Variants in B3GALT1 observed in about 807,000 individuals in gnomAD.
The protein encoded by B3GALT1 is beta-1,3-galactosyltransferase 1.
In B3GALT1, 10 loss-of-function variants were observed where a neutral mutation model predicts 23.2. The ratio of observed to expected loss-of-function variants is 0.43; its 90% CI spans 0.27 to 0.73. The LOEUF (loss-of-function observed/expected upper bound fraction) is 0.73. Among genes scored for constraint, B3GALT1 ranks in the 30% least tolerant of loss-of-function variants. B3GALT1 has a pLI of 0.21. For missense variants in B3GALT1, 299 were observed against 405.4 expected (o/e 0.74, Z 2.25); for synonymous variants, 156 against 141.5 (o/e 1.10, Z -0.73).
At chr2:167,841,642 C>T (rs532476808) in intron 4 of B3GALT1, among the ~76,000 whole-genome samples, 42 of 152,334 alleles carry the variant, frequency 2.8e-4, no homozygotes, top group African/African-American at 9.9e-4. Context: ...CCAGCCTCCC[C>T]CTTCTCCTAA....
intron 3 of B3GALT1, among the ~76,000 whole-genome samples, chr2:167,676,011 C>T (rs1027431280): frequency 6.6e-6 from 1 of 151,884 alleles, no homozygotes; most frequent in Non-Finnish European, 1.5e-5. Flanking sequence ...AGAGCCACAC[C>T]TGGTTCTCCA....
chr2:167,597,516 A>G (rs1267315576), intron 2 of B3GALT1, among the ~76,000 whole-genome samples: 3 of 152,190 alleles, frequency 2.0e-5, no homozygotes, highest in African/African-American at 7.2e-5. Flanking sequence ...TCAGAATGAA[A>G]TAGTGCTGCC....
At chr2:167,439,396 A>G (rs1698841750) in intron 1 of B3GALT1, among the ~76,000 whole-genome samples, 1 of 151,766 alleles carries the variant, frequency 6.6e-6, no homozygotes, top group Non-Finnish European at 1.5e-5. Flanking sequence ...GTCATTTTGT[A>G]TTTACTTATT....
intron 2 of B3GALT1, among the ~76,000 whole-genome samples, chr2:167,568,935 G>T (rs1401423926): frequency 6.6e-6 from 1 of 151,822 alleles, no homozygotes; most frequent in Non-Finnish European, 1.5e-5. Context: ...TCATTGTTTT[G>T]CACGTGGATG....
At chr2:167,568,390 C>T (rs1370901237) in intron 2 of B3GALT1, among the ~76,000 whole-genome samples, 5 of 152,088 alleles carry the variant, frequency 3.3e-5, no homozygotes, top group Non-Finnish European at 7.4e-5. Context: ...TCCATATCCT[C>T]ATCAGCATTT....
intron 2 of B3GALT1, among the ~76,000 whole-genome samples, chr2:167,565,037 C>T (rs1014256470): frequency 6.6e-6 from 1 of 152,152 alleles, no homozygotes; most frequent in Non-Finnish European, 1.5e-5. Flanking sequence ...AAAAAAGAGC[C>T]CGCATTGCCA....
chr2:167,462,850 A>G (rs1041812885), intron 1 of B3GALT1, among the ~76,000 whole-genome samples: 5 of 152,140 alleles, frequency 3.3e-5, no homozygotes, highest in African/African-American at 1.2e-4. Flanking sequence ...TCTGCATTTT[A>G]TTTCTGTTTC....
Position 167,390,067 on chromosome 2 carries a change from G to A in B3GALT1, c.-511+96733G>A, listed in dbSNP as rs1574060128. On this transcript the variant is annotated intron_variant, in intron 1 of 4. Coordinates refer to ENST00000392690, the MANE Select transcript of B3GALT1 (RefSeq NM_020981.4). Reference sequence around the variant, plus strand: ...CTTATATACACTGGGCCATCATGGAGGAAAGAGGAGAAAATCTCAGCTACA... The same window carrying A: ...CTTATATACACTGGGCCATCATGGAAGAAAGAGGAGAAAATCTCAGCTACA... Among the ~76,000 whole-genome samples the A allele has an allele frequency of 3.3e-5, 5 of 152,256 alleles. 1 individual carries two copies. The South Asian group carries it at 1.0e-3, about 32-fold the overall frequency.
At chr2:167,789,276 T>G (rs752033160) in intron 3 of B3GALT1, among the ~76,000 whole-genome samples, 5 of 152,170 alleles carry the variant, frequency 3.3e-5, no homozygotes, top group Non-Finnish European at 7.4e-5. Flanking sequence ...CCTGAGCTCA[T>G]TATTTATACA....
At chr2:167,827,421 G>A (rs1266138164) in intron 4 of B3GALT1, among the ~76,000 whole-genome samples, 1 of 152,176 alleles carries the variant, frequency 6.6e-6, no homozygotes, top group Non-Finnish European at 1.5e-5. Context: ...CTGTGTTACT[G>A]CCCTTGGGCC....
At chr2:167,342,348 G>T (rs1697161269) in intron 1 of B3GALT1, among the ~76,000 whole-genome samples, 1 of 152,154 alleles carries the variant, frequency 6.6e-6, no homozygotes, top group Non-Finnish European at 1.5e-5. Context: ...AGCACTTTGG[G>T]ATGCAGAGGT....
At chr2:167,717,113 C>T (rs1342610961) in intron 3 of B3GALT1, among the ~76,000 whole-genome samples, 1 of 152,180 alleles carries the variant, frequency 6.6e-6, no homozygotes, top group Non-Finnish European at 1.5e-5. Context: ...AGAAAGAAAT[C>T]TGACACAACC....
At position 167,558,250 on chromosome 2, in the gene B3GALT1, G is replaced by C. The variant is rs562718274; in HGVS notation, c.-410+67973G>C. 2.0e-5 allele frequency: 3 copies of C among 152,276 alleles called. No individual in the cohort carries two copies. In the East Asian group the frequency reaches 5.8e-4, roughly 29 times the overall value. 9.4% of individuals were successfully genotyped at this position (152,276 alleles called of 1,614,324 possible). ...CATTTAGATAAAATAACATGGAGAA[G>C]ATGAAAAGAAAAATCAAGTTTACAA... On this transcript the variant is annotated intron_variant, in intron 2 of 4. Transcript: ENST00000392690.
intron 2 of B3GALT1, among the ~76,000 whole-genome samples, chr2:167,546,306 C>G (rs927714692): frequency 1.3e-5 from 2 of 152,178 alleles, no homozygotes; most frequent in Non-Finnish European, 2.9e-5. Flanking sequence ...TCACCTTAGT[C>G]TTGGTGTTCA....
chr2:167,492,899 G>T (rs1451997232), intron 2 of B3GALT1, among the ~76,000 whole-genome samples: 1 of 151,904 alleles, frequency 6.6e-6, no homozygotes, highest in African/African-American at 2.4e-5. Flanking sequence ...GTGTGTGTGT[G>T]TGTACCTAGT....
At chr2:167,381,408 T>G (rs1697846892) in intron 1 of B3GALT1, among the ~76,000 whole-genome samples, 2 of 152,210 alleles carry the variant, frequency 1.3e-5, no homozygotes, top group East Asian at 3.8e-4. Context: ...TTACTCTGAT[T>G]TATTAAAAAT....
At chr2:167,828,710 G>A (rs927576613) in intron 4 of B3GALT1, among the ~76,000 whole-genome samples, 1 of 152,178 alleles carries the variant, frequency 6.6e-6, no homozygotes, top group African/African-American at 2.4e-5. Flanking sequence ...GCTAAGCACT[G>A]TGCCATGAGC....
chr2:167,556,514 A>T (rs1431032677), intron 2 of B3GALT1, among the ~76,000 whole-genome samples: 4 of 152,178 alleles, frequency 2.6e-5, no homozygotes, highest in Non-Finnish European at 5.9e-5. Context: ...AGCCTTTCTC[A>T]TGTTAAAAAA....
At chr2:167,849,433 T>TA (rs773457253) in intron 4 of B3GALT1, among the ~76,000 whole-genome samples, 1 of 152,102 alleles carries the variant, frequency 6.6e-6, no homozygotes, top group Non-Finnish European at 1.5e-5. Flanking sequence ...CCCAAATACT[T>TA]ACAGCCAACT....
Sources: allele counts gnomAD v4.1 joint callset (sites outside exome capture counted in the v4.1 genomes callset), GRCh38; gene constraint gnomAD v4.1.1; transcripts MANE v1.5; gene names NCBI Gene and HGNC (gene_info 2026-07-23, HGNC 2026-07-21).